The following CDH13 variants were observed in gnomAD, a reference collection of about 807,000 sequenced individuals.
CDH13 encodes cadherin 13.
Under a neutral mutation model 63.8 loss-of-function variants are expected in CDH13, and 24 were observed. That is an observed-to-expected ratio of 0.38 (90% CI 0.27 to 0.53). The LOEUF (loss-of-function observed/expected upper bound fraction) is 0.53. CDH13 is among the 20% of genes least tolerant of loss of function. The probability of loss-of-function intolerance (pLI) is 0.85; values close to 1 mark genes in which losing one functional copy is unlikely to be tolerated. For missense variants in CDH13, 1,049 were observed against 903.1 expected, an observed-to-expected ratio of 1.16 and a Z score of -2.07; for synonymous variants, 503 against 355.3, an observed-to-expected ratio of 1.42 and a Z score of -4.67.
intron 1 of CDH13, among the ~76,000 whole-genome samples, chr16:82,712,061 GAAAGA>G (rs1421380534): frequency 6.6e-6 from 1 of 152,078 alleles, no homozygotes; most frequent in Non-Finnish European, 1.5e-5. Flanking sequence ...TCTCTTGGGA[GAAAGA>G]TACTATCATA....
At chr16:83,508,783 A>G (rs1567723022) in intron 7 of CDH13, among the ~76,000 whole-genome samples, 1 of 152,116 alleles carries the variant, frequency 6.6e-6, no homozygotes, top group Non-Finnish European at 1.5e-5. Flanking sequence ...TGAATAAGCT[A>G]TTTGCACTCA....
In CDH13 at chr16:83,369,606, G is replaced by A. The variant is rs186628761; in HGVS notation, c.781+24600G>A. Among the ~76,000 whole-genome samples the A allele has an allele frequency of 1.6e-3, 247 of 151,962 alleles. 2 individuals carry two copies. The highest frequency in any genetic ancestry group is 4.8e-3 in the African/African-American group (198 of 41,418). On this transcript the variant is annotated intron_variant, in intron 6 of 13. Transcript: ENST00000567109. ...GCCAATTTTTTTAAATTTATTTTTC[G>A]TACAGATGGAATCTCACTGTGTTGC...
At chr16:83,586,206 C>T (rs577391364) in intron 7 of CDH13, among the ~76,000 whole-genome samples, 1 of 152,290 alleles carries the variant, frequency 6.6e-6, no homozygotes, top group South Asian at 2.1e-4. Context: ...CAGCCTGGGG[C>T]TAGAACCACA....
In CDH13 at chr16:83,182,314, A is replaced by G. The variant is rs149131967; in HGVS notation, c.484-35031A>G. ...GGCTCTGGTCTCCAGCTAAGGCCAT[A>G]AACTGTGTATTGTTGAGGCTGCAGG... On this transcript the variant is annotated intron_variant, in intron 4 of 13. Coordinates refer to ENST00000567109, the MANE Select transcript of CDH13 (RefSeq NM_001257.5). 1.1e-4 allele frequency among the ~76,000 whole-genome samples: 16 copies of G among 152,338 alleles called. No individual in the cohort carries two copies. The East Asian group carries it at 2.5e-3, about 24-fold the overall frequency.
chr16:82,719,843 C>G (rs1475064651), intron 1 of CDH13, among the ~76,000 whole-genome samples: 1 of 72,332 alleles, frequency 1.4e-5, no homozygotes, highest in Non-Finnish European at 2.5e-5. Context: ...GAGACTCTGT[C>G]TCAAAAAAAA....
At chr16:83,332,018 C>T (rs889598929) in intron 5 of CDH13, among the ~76,000 whole-genome samples, 3 of 151,978 alleles carry the variant, frequency 2.0e-5, no homozygotes, top group Admixed American at 6.6e-5. Context: ...AATTGCATTT[C>T]GGAAAGATTT....
chr16:83,567,038 C>G (rs1460693317), intron 7 of CDH13, among the ~76,000 whole-genome samples: 1 of 152,168 alleles, frequency 6.6e-6, no homozygotes, highest in African/African-American at 2.4e-5. Flanking sequence ...CTCTGTGCTT[C>G]TGTCCTGCCT....
chr16:82,951,912 C>G (rs1305694301), intron 2 of CDH13, among the ~76,000 whole-genome samples: 1 of 152,160 alleles, frequency 6.6e-6, no homozygotes, highest in Non-Finnish European at 1.5e-5. Context: ...CCCCATAAAC[C>G]ACTGCATGTG....
At chr16:82,782,551 C>CAAA (rs5818406) in intron 1 of CDH13, among the ~76,000 whole-genome samples, 1 of 90,044 alleles carries the variant, frequency 1.1e-5, no homozygotes, top group Non-Finnish European at 2.2e-5. Flanking sequence ...GACTCCATCT[C>CAAA]AAAAAAAAAA....
intron 1 of CDH13, among the ~76,000 whole-genome samples, chr16:82,835,660 C>T (rs1383877796): frequency 2.0e-5 from 3 of 152,202 alleles, no homozygotes; most frequent in Non-Finnish European, 2.9e-5. Context: ...TCTGTCCCTC[C>T]ACAGGCTTGA....
intron 5 of CDH13, among the ~76,000 whole-genome samples, chr16:83,276,884 A>G (rs1313807157): frequency 6.6e-6 from 1 of 152,148 alleles, no homozygotes; most frequent in Non-Finnish European, 1.5e-5. Context: ...AACAACAAAC[A>G]AAAGCATGTC....
At chr16:82,903,702 C>G (rs1210774774) in intron 2 of CDH13, among the ~76,000 whole-genome samples, 4 of 152,036 alleles carry the variant, frequency 2.6e-5, no homozygotes, top group Admixed American at 2.0e-4. Flanking sequence ...GGGGGCTGTG[C>G]ATATAGGAAA....
At chr16:83,742,361 G>A (rs77286262) in intron 10 of CDH13, among the ~76,000 whole-genome samples, 2 of 152,142 alleles carry the variant, frequency 1.3e-5, no homozygotes, top group Admixed American at 6.5e-5. Flanking sequence ...GCCGAGGCTT[G>A]GCAAGCACTC....
At chr16:83,385,019 G>A (rs1022447427) in intron 6 of CDH13, among the ~76,000 whole-genome samples, 2 of 152,208 alleles carry the variant, frequency 1.3e-5, no homozygotes, top group Non-Finnish European at 2.9e-5. Flanking sequence ...TTGGCAAACA[G>A]CAGCCAGCTC....
intron 7 of CDH13, among the ~76,000 whole-genome samples, chr16:83,511,441 G>C (rs1418719781): frequency 2.7e-5 from 4 of 150,482 alleles, no homozygotes; most frequent in Non-Finnish European, 5.9e-5. Flanking sequence ...CAGCCTGGGG[G>C]ACAGAGTGAG....
At chr16:83,449,728 C>T (rs1477499584) in intron 6 of CDH13, among the ~76,000 whole-genome samples, 1 of 152,154 alleles carries the variant, frequency 6.6e-6, no homozygotes, top group African/African-American at 2.4e-5. Context: ...CTGCAACTTG[C>T]CTAATGTGTC....
At position 83,008,072 on chromosome 16, in the gene CDH13, T is replaced by C. The variant is rs140946895; in HGVS notation, c.158-23938T>C. 9.9e-5 allele frequency among the ~76,000 whole-genome samples: 15 copies of C among 152,248 alleles called. No individual in the cohort carries two copies. In the South Asian group the frequency reaches 2.5e-3, roughly 25 times the overall value. The stretch of plus-strand genomic sequence containing the variant: ...TGAAGGAAATCAACCCATTCCTTCA[T>C]TGATTCATTATGTTTAGAGAGCTAC... On this transcript the variant is annotated intron_variant, in intron 2 of 13. Coordinates refer to ENST00000567109, the MANE Select transcript of CDH13 (RefSeq NM_001257.5).
chr16:82,915,167 C>A (rs1030720023), intron 2 of CDH13, among the ~76,000 whole-genome samples: 5 of 152,202 alleles, frequency 3.3e-5, no homozygotes, highest in Admixed American at 1.3e-4. Context: ...GGTTATAGCG[C>A]TAGTATTGTA....
At chr16:83,784,200 T>C (rs1356680550) in intron 13 of CDH13, among the ~76,000 whole-genome samples, 1 of 152,118 alleles carries the variant, frequency 6.6e-6, no homozygotes, top group African/African-American at 2.4e-5. Context: ...AATTAGGAAG[T>C]TGGGAAATTG....
Sources: allele counts gnomAD v4.1 joint callset (sites outside exome capture counted in the v4.1 genomes callset), GRCh38; gene constraint gnomAD v4.1.1; transcripts MANE v1.5; gene names NCBI Gene and HGNC (gene_info 2026-07-23, HGNC 2026-07-21).